RBBP9: variants seen among roughly 807,000 people sequenced by gnomAD.
RBBP9 encodes serine hydrolase RBBP9.
RBBP9 carries 20 observed loss-of-function variants against 24.2 expected under a neutral mutation model. That is an observed-to-expected ratio of 0.83 (90% confidence interval 0.58 to 1.20). The LOEUF (loss-of-function observed/expected upper bound fraction) is 1.20, where lower values mean the gene tolerates loss of function less well. Ranked by LOEUF, RBBP9 falls within the 50% of genes most tolerant of loss-of-function variation. The pLI is 0.00. For synonymous variants in RBBP9, 74 were observed against 84.6 expected (o/e 0.87, Z 0.69); for missense variants, 234 against 233.6 (o/e 1.00, Z -0.01).
intron 4 of RBBP9, 130 bp downstream of exon 4, chr20:18,490,263 AGG>A: frequency 1.4e-6 from 1 of 712,750 alleles, no homozygotes; most frequent in Non-Finnish European, 2.4e-6. Context: ...ATCCAAAGAT[AGG>A]TGGTATATCT....
Position 18,495,966 on chromosome 20 carries a change from T to C in RBBP9, c.100-86A>G, listed in dbSNP as rs2059885379. 6.3e-6 allele frequency: 7 copies of C among 1,113,680 alleles called. No homozygotes were observed. The South Asian group carries it at 9.4e-5, about 15-fold the overall frequency. The allele number at this position is 1,113,680 out of a possible 1,614,324, so 69.0% of individuals were successfully genotyped here. A position where few individuals can be genotyped will look rare whatever the true frequency, so the allele number is the denominator to read the frequency against. ...CTAATAAGAAATGAGGCACCTGATA[T>C]GATCGTTACCAATTCAGTATTAACT... is the stretch of plus-strand genomic sequence containing the variant. On this transcript the variant is annotated intron_variant, in intron 1 of 4. Coordinates refer to ENST00000337227, the MANE Select transcript of RBBP9 (RefSeq NM_006606.3).
intron 2 of RBBP9, 77 bp from the exon 3 acceptor site, chr20:18,494,140 C>G: frequency 8.9e-7 from 1 of 1,128,464 alleles, no homozygotes; most frequent in South Asian, 1.3e-5. Flanking sequence ...ACCTTTCAAA[C>G]AGGCAACTAT....
At chr20:18,495,982 A>C in intron 1 of RBBP9, 102 bp from the exon 2 acceptor site, 1 of 967,748 alleles carries the variant, frequency 1.0e-6, no homozygotes, top group Non-Finnish European at 1.5e-6. Flanking sequence ...TTACCAATTC[A>C]GTATTAACTT....
chr20:18,490,296 T>G (rs1436193579), intron 4 of RBBP9, 99 bp downstream of exon 4: 12 of 925,990 alleles, frequency 1.3e-5, no homozygotes, highest in African/African-American at 1.7e-5. Context: ...CTATTAGAAT[T>G]TTTTAGCCTA....
chr20:18,496,481 A>T (rs1306755184), intron 1 of RBBP9, among the ~76,000 whole-genome samples: 2 of 152,246 alleles, frequency 1.3e-5, no homozygotes, highest in African/African-American at 4.8e-5. Flanking sequence ...CAAATAGAAC[A>T]GTCTGTTGTT....
Position 18,487,532 on chromosome 20 carries a change from A to G in RBBP9, c.*2232T>C, listed in dbSNP as rs937331479. 6.6e-6 allele frequency: 1 copy of G among 152,266 alleles called. No homozygotes were observed. Among genetic ancestry groups the G allele is most frequent in the African/African-American group, 2.4e-5 (1 of 41,468 alleles). The allele number at this position is 152,266 out of a possible 1,614,324, so 9.4% of individuals were successfully genotyped here. ...TTAGTGCTAAACAGCCTCTTTAACA[A>G]CATTATTATTCAACTGATTTATATA... is the stretch of plus-strand genomic sequence containing the variant. On this transcript the variant is annotated 3_prime_UTR_variant, in exon 5 of 5. Coordinates refer to ENST00000337227, the MANE Select transcript of RBBP9 (RefSeq NM_006606.3).
At chr20:18,492,806 T>C (rs1053127395) in intron 3 of RBBP9, among the ~76,000 whole-genome samples, 5 of 152,246 alleles carry the variant, frequency 3.3e-5, no homozygotes, top group African/African-American at 1.2e-4. Flanking sequence ...TTCAAGGATC[T>C]TTAAAAGCAG....
chr20:18,492,516 G>A (rs905444951), intron 3 of RBBP9, among the ~76,000 whole-genome samples: 5 of 152,134 alleles, frequency 3.3e-5, no homozygotes, highest in African/African-American at 1.2e-4. Flanking sequence ...GTGATGCTGT[G>A]TCCTTCCCAT....
chr20:18,495,891 A>AG lies in RBBP9; in HGVS notation c.100-12dup, dbSNP rs764043418. ...CTGGAAACCAGGTATCTATGATATG[A>AG]GGGGGGAGAAAAAGCTATAATAAAG... On this transcript the variant is annotated splice_polypyrimidine_tract_variant and intron_variant, in intron 1 of 4. Transcript: ENST00000337227. 2.6e-6 allele frequency: 4 copies of AG among 1,528,482 alleles called. No individual in the cohort carries two copies. Among genetic ancestry groups the AG allele is most frequent in the African/African-American group, 1.4e-5 (1 of 70,958 alleles). 94.7% of individuals were successfully genotyped at this position (1,528,482 alleles called of 1,614,324 possible).
rs117644676 is a variant in RBBP9 at position 18,490,131 on chromosome 20, A to G, written c.335-141T>C. On this transcript the variant is annotated intron_variant, in intron 4 of 4. Transcript: ENST00000337227. ...GTTAGAAGCACTTCTTTTGTTTTCA[A>G]ATCTGTAGGGCTTGATACCACAGTT... 9.6e-3 allele frequency: 6,447 copies of G among 673,048 alleles called. 53 individuals are homozygous for G. The highest frequency in any genetic ancestry group is 0.017 in the Middle Eastern group (43 of 2,472). 41.7% of individuals were successfully genotyped at this position (673,048 alleles called of 1,614,324 possible). A position where few individuals can be genotyped will look rare whatever the true frequency, so the allele number is the denominator to read the frequency against.
chr20:18,492,334 T>C (rs932597150), intron 3 of RBBP9, among the ~76,000 whole-genome samples: 1 of 152,198 alleles, frequency 6.6e-6, no homozygotes, highest in Non-Finnish European at 1.5e-5. Flanking sequence ...GGATTATGCA[T>C]TGCATTTTAT....
rs1297981848 is a variant in RBBP9, at chr20:18,487,974, C to A, written c.*1790G>T. On this transcript the variant is annotated 3_prime_UTR_variant, in exon 5 of 5. Transcript: ENST00000337227. ...TCAAAAATAATAATAAGGACGTCCA[C>A]CACACTTTACCTACCAAAATGCCCA... 6.6e-6 allele frequency: 1 copy of A among 152,082 alleles called. No individual in the cohort carries two copies. Among genetic ancestry groups the A allele is most frequent in the Non-Finnish European group, 1.5e-5 (1 of 68,010 alleles). The allele number at this position is 152,082 out of a possible 1,614,324, so 9.4% of individuals were successfully genotyped here. A position where few individuals can be genotyped will look rare whatever the true frequency, so the allele number is the denominator to read the frequency against.
chr20:18,490,032 T>C (rs777059995), intron 4 of RBBP9, 42 bp from the exon 5 acceptor site: 1 of 1,393,100 alleles, frequency 7.2e-7, no homozygotes, highest in South Asian at 1.3e-5. Flanking sequence ...CCATGGATAA[T>C]CTCCCTTCTA....
In RBBP9 at chr20:18,494,031, T is replaced by A; in HGVS notation, c.175A>T (p.Met59Leu). ...TCATCACAGTGCAGCTCTGTCTCCA[T>A]GAAGGGCAGCCAGATGCTCTCTCGT... ...TARESIWLPF[M>L]ETELHCDEKT... Residue 59 changes from methionine to leucine, a missense_variant, in exon 3 of 5, where the codon ATG (methionine) becomes TTG (leucine). Coordinates refer to ENST00000337227, the MANE Select transcript of RBBP9 (RefSeq NM_006606.3). 6.2e-7 allele frequency: 1 copy of A among 1,613,836 alleles called. No homozygotes were observed. Among genetic ancestry groups the A allele is most frequent in the Non-Finnish European group, 8.5e-7 (1 of 1,179,944 alleles).
Position 18,487,649 on chromosome 20 carries a change from G to A in RBBP9, c.*2115C>T, listed in dbSNP as rs1481417831. The A allele has an allele frequency of 6.6e-6, 1 of 152,094 alleles. No individual in the cohort carries two copies. 9.4% of individuals were successfully genotyped at this position (152,094 alleles called of 1,614,324 possible). A position where few individuals can be genotyped will look rare whatever the true frequency, so the allele number is the denominator to read the frequency against. On this transcript the variant is annotated 3_prime_UTR_variant, in exon 5 of 5. Transcript: ENST00000337227. ...TTAGTGTAACAAATTCAAATAATCA[G>A]GAGGATAAAGTAAAATAAGGGGCCG...
Position 18,490,557 on chromosome 20 carries a change from A to G in RBBP9, c.249-77T>C, listed in dbSNP as rs2059861419. The G allele has an allele frequency of 3.6e-6, 4 of 1,113,862 alleles. No homozygotes were observed. The South Asian group carries it at 4.0e-5, about 11-fold the overall frequency. The allele number at this position is 1,113,862 out of a possible 1,614,324, so 69.0% of individuals were successfully genotyped here. On this transcript the variant is annotated intron_variant, in intron 3 of 4. Transcript: ENST00000337227. Reference sequence around the variant, plus strand: ...CAAAAAGTCAATAAACTACTTAAAAACTCATTTGAGGTAGCCTACAGAAAG... The same window carrying G: ...CAAAAAGTCAATAAACTACTTAAAAGCTCATTTGAGGTAGCCTACAGAAAG...
chr20:18,489,575 A>G lies in RBBP9; in HGVS notation c.*189T>C, dbSNP rs977994571. 1.9e-6 allele frequency: 1 copy of G among 530,574 alleles called. No individual in the cohort carries two copies. The highest frequency in any genetic ancestry group is 1.9e-5 in the African/African-American group (1 of 52,700). The allele number at this position is 530,574 out of a possible 1,614,324, so 32.9% of individuals were successfully genotyped here. On this transcript the variant is annotated 3_prime_UTR_variant, in exon 5 of 5. Transcript: ENST00000337227. ...GAAAATACTGTGGTAGTTCATAGCA[A>G]TTTGGGGAGTTTTAGAGTCTATGGA... is the stretch of plus-strand genomic sequence containing the variant.
chr20:18,489,063 G>C lies in RBBP9; in HGVS notation c.*701C>G, dbSNP rs1026354716. 6.6e-6 allele frequency: 1 copy of C among 151,902 alleles called. No individual in the cohort carries two copies. The highest frequency in any genetic ancestry group is 2.4e-5 in the African/African-American group (1 of 41,306). The allele number at this position is 151,902 out of a possible 1,614,324, so 9.4% of individuals were successfully genotyped here. On this transcript the variant is annotated 3_prime_UTR_variant, in exon 5 of 5. Transcript: ENST00000337227. The stretch of plus-strand genomic sequence containing the variant: ...AAAATCAGAAAATTGGCAACACTCT[G>C]CCCCATTTCCACATGGCAACAATTT...
In RBBP9 at chr20:18,489,183, T is replaced by G. The variant is rs1320212933; in HGVS notation, c.*581A>C. 1 of 152,430 alleles carries G rather than the reference T, an allele frequency of 6.6e-6. No homozygotes were observed. Among genetic ancestry groups the G allele is most frequent in the African/African-American group, 2.4e-5 (1 of 41,446 alleles). The allele number at this position is 152,430 out of a possible 1,614,324, so 9.4% of individuals were successfully genotyped here. ...TACGTATATTATGAATGTATATTGC[T>G]GTGCTTCTCCTTCCTGCCTGACTCC... On this transcript the variant is annotated 3_prime_UTR_variant, in exon 5 of 5. Transcript: ENST00000337227.
Sources: allele counts gnomAD v4.1 joint callset (sites outside exome capture counted in the v4.1 genomes callset), GRCh38; gene constraint gnomAD v4.1.1; transcripts MANE v1.5; gene names NCBI Gene and HGNC (gene_info 2026-07-23, HGNC 2026-07-21).